The following SESTD1 variants were observed in gnomAD, a reference collection of about 807,000 sequenced individuals.
SESTD1 encodes the protein SEC14 domain and spectrin repeat-containing protein 1.
In SESTD1, 43 loss-of-function variants were observed where a neutral mutation model predicts 101.7. That is an observed-to-expected ratio of 0.42 (90% confidence interval 0.33 to 0.55). The LOEUF (loss-of-function observed/expected upper bound fraction) is 0.55. Ranked by LOEUF, SESTD1 falls within the 20% of genes least tolerant of loss-of-function variation. SESTD1 has a pLI of 0.07. For synonymous variants in SESTD1, 283 were observed against 286.8 expected (o/e 0.99, Z 0.13); for missense variants, 647 against 815.1 (o/e 0.79, Z 2.51).
intron 9 of SESTD1, among the ~76,000 whole-genome samples, chr2:179,134,572 G>C (rs1038921246): frequency 3.3e-5 from 5 of 152,006 alleles, no homozygotes; most frequent in African/African-American, 4.8e-5. Context: ...GTAATTCTAT[G>C]ACTAACACAT....
In SESTD1 at chr2:179,202,701, T is replaced by C. The variant is rs1294025233; in HGVS notation, c.-25-10835A>G. Among the ~76,000 whole-genome samples the C allele has an allele frequency of 1.5e-5, 2 of 135,060 alleles. 1 individual carries two copies. The highest frequency in any genetic ancestry group is 5.6e-4 in the South Asian group (2 of 3,578). The allele number at this position is 135,060 out of a possible 152,430, so 88.6% of individuals were successfully genotyped here. A position where few individuals can be genotyped will look rare whatever the true frequency, so the allele number is the denominator to read the frequency against. The stretch of plus-strand genomic sequence containing the variant: ...GGCTTTAAAAAACAAAACTTTATCT[T>C]CTAGAATTCAACAGTTTCACTTTTA... On this transcript the variant is annotated intron_variant, in intron 1 of 17. Coordinates refer to ENST00000428443, the MANE Select transcript of SESTD1 (RefSeq NM_178123.5).
intron 1 of SESTD1, among the ~76,000 whole-genome samples, chr2:179,192,383 C>T (rs2046331601): frequency 6.6e-6 from 1 of 152,126 alleles, no homozygotes; most frequent in African/African-American, 2.4e-5. Flanking sequence ...TTTTTGCTCC[C>T]CTATAACACA....
At chr2:179,175,604 C>G (rs898969987) in intron 4 of SESTD1, among the ~76,000 whole-genome samples, 2 of 152,152 alleles carry the variant, frequency 1.3e-5, no homozygotes, top group Non-Finnish European at 2.9e-5. Context: ...GAGGAAGGCC[C>G]TCTTGACTTT....
chr2:179,233,897 C>G (rs1320919236), intron 1 of SESTD1, among the ~76,000 whole-genome samples: 1 of 152,176 alleles, frequency 6.6e-6, no homozygotes, highest in Non-Finnish European at 1.5e-5. Context: ...TACCCTGGCT[C>G]TGTACACTTG....
intron 2 of SESTD1, among the ~76,000 whole-genome samples, chr2:179,187,529 A>C (rs1168700425): frequency 6.6e-6 from 1 of 152,082 alleles, no homozygotes; most frequent in Admixed American, 6.6e-5. Flanking sequence ...AGCTAGTCGA[A>C]AGGCTGAGGT....
At chr2:179,175,697 G>A (rs1401554734) in intron 4 of SESTD1, among the ~76,000 whole-genome samples, 10 of 152,056 alleles carry the variant, frequency 6.6e-5, no homozygotes, top group Non-Finnish European at 1.0e-4. Context: ...TCTGCCCTCC[G>A]CATCACTCAA....
At chr2:179,230,113 C>CTT (rs71023474) in intron 1 of SESTD1, among the ~76,000 whole-genome samples, 767 of 56,406 alleles carry the variant, frequency 0.014, 254 homozygotes, top group East Asian at 0.05. Flanking sequence ...GATTGTATCT[C>CTT]TTTTTTTTTT....
chr2:179,237,562 G>A (rs1261883556), intron 1 of SESTD1, among the ~76,000 whole-genome samples: 2 of 152,248 alleles, frequency 1.3e-5, no homozygotes, highest in Admixed American at 1.3e-4. Flanking sequence ...TACTGTCAGT[G>A]AACATAAGAC....
chr2:179,153,304 G>A (rs1425834904), intron 5 of SESTD1, among the ~76,000 whole-genome samples: 1 of 152,150 alleles, frequency 6.6e-6, no homozygotes, highest in African/African-American at 2.4e-5. Flanking sequence ...ACTTGATGAG[G>A]AACAAAGCCA....
Position 179,102,908 on chromosome 2 carries a change from GCCA to G in SESTD1, c.*6988_*6990del, listed in dbSNP as rs1408524662. ...TCCCACCCCGTTTTCTGCTCTTCTG[GCCA>G]CCATTTGGGGGACTTCCCTGTCCAG... is the stretch of plus-strand genomic sequence containing the variant. On this transcript the variant is annotated 3_prime_UTR_variant, in exon 18 of 18. Coordinates refer to ENST00000428443, the MANE Select transcript of SESTD1 (RefSeq NM_178123.5). 4 of 152,030 alleles carry G rather than the reference GCCA, an allele frequency of 2.6e-5. No homozygotes were observed. Among genetic ancestry groups the G allele is most frequent in the Non-Finnish European group, 5.9e-5 (4 of 68,004 alleles). The allele number at this position is 152,030 out of a possible 1,614,324, so 9.4% of individuals were successfully genotyped here.
intron 8 of SESTD1, among the ~76,000 whole-genome samples, chr2:179,146,174 A>G (rs1451243432): frequency 6.6e-6 from 1 of 152,106 alleles, no homozygotes; most frequent in African/African-American, 2.4e-5. Context: ...GCTCCTTATA[A>G]GAACCTAATG....
chr2:179,139,749 C>T (rs2045236554), intron 9 of SESTD1, among the ~76,000 whole-genome samples: 1 of 152,186 alleles, frequency 6.6e-6, no homozygotes. Flanking sequence ...TTTCCACATC[C>T]TGCTGACTTC....
At chr2:179,150,331 G>A (rs556982163) in intron 6 of SESTD1, among the ~76,000 whole-genome samples, 2 of 151,780 alleles carry the variant, frequency 1.3e-5, no homozygotes, top group African/African-American at 2.4e-5. Flanking sequence ...TCTGACGTTT[G>A]TTCTTTCAGT....
rs2046593180 is a variant in SESTD1, at chr2:179,206,515, C to G, written c.-25-14649G>C. Among the ~76,000 whole-genome samples the G allele has an allele frequency of 1.5e-5, 2 of 135,860 alleles. 1 individual carries two copies. 89.1% of individuals were successfully genotyped at this position (135,860 alleles called of 152,430 possible). ...CCCTGTAGGCACTCCTGGTCCCCAG[C>G]ATGAGCCCAGGGAAGCCATTCCTGA... On this transcript the variant is annotated intron_variant, in intron 1 of 17. Transcript: ENST00000428443.
At chr2:179,126,119 C>A (rs749645094) in intron 10 of SESTD1, among the ~76,000 whole-genome samples, 2 of 152,150 alleles carry the variant, frequency 1.3e-5, no homozygotes, top group Non-Finnish European at 1.5e-5. Context: ...CATTTTACTA[C>A]GCTGAAATTA....
intron 8 of SESTD1, among the ~76,000 whole-genome samples, chr2:179,144,347 T>G (rs556086702): frequency 6.6e-6 from 1 of 152,058 alleles, no homozygotes; most frequent in African/African-American, 2.4e-5. Context: ...GGAGAAAAGT[T>G]TTTATTACAA....
At chr2:179,239,076 T>C (rs755465305) in intron 1 of SESTD1, among the ~76,000 whole-genome samples, 2 of 152,172 alleles carry the variant, frequency 1.3e-5, no homozygotes, top group Non-Finnish European at 2.9e-5. Context: ...TTATCTATAT[T>C]TGTGCCAACT....
intron 5 of SESTD1, among the ~76,000 whole-genome samples, chr2:179,154,011 A>T (rs1444801986): frequency 1.3e-5 from 2 of 148,924 alleles, no homozygotes. Flanking sequence ...TGGGAGACCG[A>T]GGCAAGAGGA....
chr2:179,180,992 G>A (rs2046097231), intron 3 of SESTD1, among the ~76,000 whole-genome samples: 1 of 152,152 alleles, frequency 6.6e-6, no homozygotes, highest in African/African-American at 2.4e-5. Context: ...AAAGTATCCA[G>A]GTATCTATTT....
Sources: gnomAD v4.1 joint callset for allele counts (sites outside exome capture counted in the v4.1 genomes callset) on GRCh38, gnomAD v4.1.1 for gene constraint, MANE v1.5 for transcripts, NCBI Gene and HGNC (gene_info 2026-07-23, HGNC 2026-07-21) for gene names.